Variants in NIPBL observed in about 807,000 individuals in gnomAD.
The protein encoded by NIPBL is nipped-B-like protein.
NIPBL carries 19 observed loss-of-function variants against 321.8 expected under a neutral mutation model. The ratio of observed to expected loss-of-function variants is 0.06; its 90% CI spans 0.04 to 0.09. NIPBL has a LOEUF of 0.09. Among genes scored for constraint, NIPBL ranks in the 10% least tolerant of loss-of-function variants. The probability of loss-of-function intolerance (pLI) is 1.00; values close to 1 mark genes in which losing one functional copy is unlikely to be tolerated. For synonymous variants in NIPBL, 1,106 were observed against 1,114.1 expected (o/e 0.99, Z 0.14); for missense variants, 2,210 against 3,327.0 (o/e 0.66, Z 8.26).
At chr5:37,059,283 G>C (rs1048587038) in intron 44 of NIPBL, 118 bp downstream of exon 44, 1 of 1,045,128 alleles carries the variant, frequency 9.6e-7, no homozygotes, top group Non-Finnish European at 1.4e-6. Flanking sequence ...GAGGCGGGCA[G>C]ATCCCCTGAG....
intron 29 of NIPBL, 50 bp from the exon 30 acceptor site, chr5:37,024,535 A>C: frequency 6.6e-7 from 1 of 1,510,940 alleles, no homozygotes; most frequent in Non-Finnish European, 9.2e-7. Flanking sequence ...AATTTCATAC[A>C]CTAGGCATCT....
At chr5:37,060,615 T>G (rs1754564733) in intron 44 of NIPBL, among the ~76,000 whole-genome samples, 1 of 152,146 alleles carries the variant, frequency 6.6e-6, no homozygotes, top group African/African-American at 2.4e-5. Context: ...TTCTGGCCAC[T>G]ATATAGAGGA....
At chr5:37,006,729 T>C in intron 17 of NIPBL, 141 bp downstream of exon 17, 1 of 607,424 alleles carries the variant, frequency 1.6e-6, no homozygotes, top group South Asian at 2.1e-5. Context: ...GACTAGAATA[T>C]AGTACTTGTT....
At chr5:37,042,595 GC>G (rs1482260114) in intron 34 of NIPBL, among the ~76,000 whole-genome samples, 1 of 151,922 alleles carries the variant, frequency 6.6e-6, no homozygotes, top group Non-Finnish European at 1.5e-5. Flanking sequence ...TTTAAGACCA[GC>G]CTGGCCAATA....
At chr5:37,023,123 A>G (rs1249395992) in intron 29 of NIPBL, among the ~76,000 whole-genome samples, 2 of 152,218 alleles carry the variant, frequency 1.3e-5, no homozygotes, top group Non-Finnish European at 2.9e-5. Flanking sequence ...CTAATATCAG[A>G]ACATTGTGTG....
intron 1 of NIPBL, among the ~76,000 whole-genome samples, chr5:36,916,425 T>C (rs1748463484): frequency 6.6e-6 from 1 of 152,250 alleles, no homozygotes; most frequent in Non-Finnish European, 1.5e-5. Flanking sequence ...TTAGTATCAG[T>C]TGTTTTACTA....
chr5:37,049,328 T>G (rs1407231612), intron 40 of NIPBL, 27 bp downstream of exon 40: 1 of 1,608,350 alleles, frequency 6.2e-7, no homozygotes, highest in Non-Finnish European at 8.5e-7. Flanking sequence ...GCAGCAGCAC[T>G]TACTAAAAGA....
intron 14 of NIPBL, 119 bp from the exon 15 acceptor site, chr5:37,002,543 G>A (rs986034604): frequency 1.3e-5 from 9 of 715,756 alleles, no homozygotes; most frequent in African/African-American, 5.3e-5. Flanking sequence ...ATATAGAGGC[G>A]TCTTAGGTTA....
chr5:36,935,445 A>C (rs1384793457), intron 1 of NIPBL, among the ~76,000 whole-genome samples: 2 of 152,228 alleles, frequency 1.3e-5, no homozygotes, highest in East Asian at 3.9e-4. Flanking sequence ...ACTTGCATCA[A>C]GTCTAGTGAT....
chr5:36,892,277 G>C (rs1264690605), intron 1 of NIPBL, among the ~76,000 whole-genome samples: 2 of 152,152 alleles, frequency 1.3e-5, no homozygotes, highest in Non-Finnish European at 1.5e-5. Flanking sequence ...TCATTAAAAA[G>C]TCAGGAAACA....
chr5:37,028,903 C>A (rs555648669), intron 32 of NIPBL, among the ~76,000 whole-genome samples: 4 of 152,210 alleles, frequency 2.6e-5, no homozygotes, highest in African/African-American at 9.6e-5. Flanking sequence ...TTTTCTCATG[C>A]GACTTGTATG....
chr5:36,917,624 C>G (rs543433490), intron 1 of NIPBL, among the ~76,000 whole-genome samples: 36 of 152,228 alleles, frequency 2.4e-4, no homozygotes, highest in Non-Finnish European at 4.7e-4. Flanking sequence ...ATGGTATTGC[C>G]TAGGTTTTCT....
chr5:37,026,951 T>A (rs1750349683), intron 31 of NIPBL, among the ~76,000 whole-genome samples: 1 of 151,958 alleles, frequency 6.6e-6, no homozygotes, highest in South Asian at 2.1e-4. Context: ...ATTCTGTATA[T>A]TCAATTACAT....
At chr5:37,033,733 T>A (rs1233023491) in intron 32 of NIPBL, among the ~76,000 whole-genome samples, 127 of 112,014 alleles carry the variant, frequency 1.1e-3, no homozygotes, top group African/African-American at 4.0e-3. Flanking sequence ...TATATATATT[T>A]TTTTTTTTTT....
rs912379112 is a variant in NIPBL, at chr5:37,058,377, C to T, written c.7411-514C>T. ...CCACACACACACACCACACAAACTG[C>T]TTAAGTCCAGTTGACTTTGTTTCTA... On this transcript the variant is annotated intron_variant, in intron 43 of 46. Coordinates refer to ENST00000282516, the MANE Select transcript of NIPBL (RefSeq NM_133433.4). Among the ~76,000 whole-genome samples the T allele has an allele frequency of 2.0e-5, 3 of 152,174 alleles. No individual in the cohort carries two copies. In the East Asian group the frequency reaches 5.8e-4, roughly 29 times the overall value.
In NIPBL at chr5:37,055,611, T is replaced by C. The variant is rs181858951; in HGVS notation, c.7264-1575T>C. ...ATTTCATGAAGGAAAGTGTGGGTAA[T>C]AGTCAGATGCTACTGAGAAGTCAAG... is the stretch of plus-strand genomic sequence containing the variant. On this transcript the variant is annotated intron_variant, in intron 42 of 46. Coordinates refer to ENST00000282516, the MANE Select transcript of NIPBL (RefSeq NM_133433.4). Among the ~76,000 whole-genome samples the C allele has an allele frequency of 2.0e-5, 3 of 152,090 alleles. No homozygotes were observed. The East Asian group carries it at 5.8e-4, about 30-fold the overall frequency.
intron 1 of NIPBL, among the ~76,000 whole-genome samples, chr5:36,877,407 C>T (rs1444180923): frequency 6.6e-6 from 1 of 152,194 alleles, no homozygotes; most frequent in Non-Finnish European, 1.5e-5. Context: ...TGCTGGGCGG[C>T]CGGGGAGGCG....
rs1305596839 is a variant in NIPBL at position 37,044,632 on chromosome 5, T to G, written c.6250-4T>G. On this transcript the variant is annotated splice_polypyrimidine_tract_variant and splice_region_variant and intron_variant, in intron 35 of 46. Transcript: ENST00000282516. Reference sequence around the variant, plus strand: ...TTTATCTAAACATTTTCTATATCTTTTAGGTAGTGCAACATTGTGTGAGCT... The same window carrying G: ...TTTATCTAAACATTTTCTATATCTTGTAGGTAGTGCAACATTGTGTGAGCT... 6.2e-7 allele frequency: 1 copy of G among 1,612,034 alleles called. No homozygotes were observed. The highest frequency in any genetic ancestry group is 1.3e-5 in the African/African-American group (1 of 74,892).
chr5:37,065,066 G>C lies in NIPBL; in HGVS notation c.*174G>C. 4.3e-6 allele frequency: 3 copies of C among 694,646 alleles called. No homozygotes were observed. Among genetic ancestry groups the C allele is most frequent in the Non-Finnish European group, 7.3e-6 (3 of 411,806 alleles). 43.0% of individuals were successfully genotyped at this position (694,646 alleles called of 1,614,324 possible). A position where few individuals can be genotyped will look rare whatever the true frequency, so the allele number is the denominator to read the frequency against. The stretch of plus-strand genomic sequence containing the variant: ...CATTTTTGTGGGAGCTCCCTTCGCT[G>C]TTGTGCAGCAGAAACAGATTCTCAG... On this transcript the variant is annotated 3_prime_UTR_variant, in exon 47 of 47. Transcript: ENST00000282516.
Sources: gnomAD v4.1 joint callset for allele counts (sites outside exome capture counted in the v4.1 genomes callset) on GRCh38, gnomAD v4.1.1 for gene constraint, MANE v1.5 for transcripts, NCBI Gene and HGNC (gene_info 2026-07-23, HGNC 2026-07-21) for gene names.